Variants in CC2D1A observed in about 807,000 individuals in gnomAD.
CC2D1A encodes coiled-coil and C2 domain containing 1A.
CC2D1A carries 68 observed loss-of-function variants against 123.8 expected under a neutral mutation model. The observed-to-expected ratio is 0.55, with a 90% confidence interval of 0.45 to 0.67. The LOEUF is 0.67. Among genes scored for constraint, CC2D1A ranks in the 30% least tolerant of loss-of-function variants. The probability of loss-of-function intolerance (pLI) is 0.00; values close to 1 mark genes in which losing one functional copy is unlikely to be tolerated. For missense variants in CC2D1A, 1,185 were observed against 1,290.3 expected (o/e 0.92, Z 1.25); for synonymous variants, 477 against 528.0 (o/e 0.90, Z 1.32).
chr19:13,914,795 C>G (rs1456494292), intron 6 of CC2D1A, among the ~76,000 whole-genome samples: 1 of 152,170 alleles, frequency 6.6e-6, no homozygotes, highest in Non-Finnish European at 1.5e-5. Context: ...GCCACCGTGC[C>G]CCATGCCCAG....
intron 17 of CC2D1A, among the ~76,000 whole-genome samples, chr19:13,925,996 G>GTGTGTATATATATATATACGTATATA (rs1568418708): frequency 7.5e-5 from 8 of 106,068 alleles, no homozygotes; most frequent in East Asian, 7.1e-4. Context: ...ATACATATAT[G>GTGTGTATATATATATATACGTATATA]TGTGTATATA....
chr19:13,910,732 G>T (rs1970970966), intron 2 of CC2D1A, among the ~76,000 whole-genome samples: 1 of 152,106 alleles, frequency 6.6e-6, no homozygotes, highest in Admixed American at 6.6e-5. Flanking sequence ...CCAACATGGT[G>T]AAACCCTGTC....
chr19:13,914,005 C>T (rs1225839837), intron 6 of CC2D1A, among the ~76,000 whole-genome samples: 1 of 151,976 alleles, frequency 6.6e-6, no homozygotes, highest in Admixed American at 6.6e-5. Flanking sequence ...CCTCAGCCTC[C>T]CAAGTAGCTG....
intron 26 of CC2D1A, 128 bp from the exon 27 acceptor site, chr19:13,929,950 C>G (rs1463575269): frequency 1.9e-6 from 1 of 532,374 alleles, no homozygotes; most frequent in African/African-American, 3.7e-5. Context: ...GGGATGGGCA[C>G]CTGGAGGGGG....
rs1971041143 is a variant in CC2D1A, at chr19:13,912,534, C to T, written c.319C>T (p.Leu107=). 6.2e-7 allele frequency: 1 copy of T among 1,614,128 alleles called. No homozygotes were observed. The highest frequency in any genetic ancestry group is 8.5e-7 in the Non-Finnish European group (1 of 1,180,034). ...LEADDDLLAE[L]NEVLGEEQKA... ...TGGCTGTGTGTCCCTGCAGGCGGAG[C>T]TAAATGAGGTCCTTGGAGAGGAGCA... The change falls in exon 4 of 29, where the codon CTA becomes TTA. Residue 107 remains leucine (L), a synonymous_variant. Coordinates refer to ENST00000318003, the MANE Select transcript of CC2D1A (RefSeq NM_017721.5).
At chr19:13,918,279 T>G in intron 7 of CC2D1A, 85 bp downstream of exon 7, 3 of 1,426,992 alleles carry the variant, frequency 2.1e-6, no homozygotes, top group Non-Finnish European at 2.8e-6. Flanking sequence ...CAAATTTGCA[T>G]CCTAGCTTGG....
In CC2D1A at chr19:13,928,632, G is replaced by T. The variant is rs191500073; in HGVS notation, c.2519+444G>T. ...TCCTGGGTGTGCAGCCATCATCCCC[G>T]CTAGGTTTTGGGATCAGTAACACCG... On this transcript the variant is annotated intron_variant, in intron 24 of 28. Coordinates refer to ENST00000318003, the MANE Select transcript of CC2D1A (RefSeq NM_017721.5). Among the ~76,000 whole-genome samples, 543 of 150,738 alleles carry T rather than the reference G, an allele frequency of 3.6e-3. 2 individuals carry two copies. Among genetic ancestry groups the T allele is most frequent in the African/African-American group, 0.013 (514 of 40,956 alleles).
At chr19:13,927,836 C>G in intron 22 of CC2D1A, 57 bp from the exon 23 acceptor site, 1 of 1,584,130 alleles carries the variant, frequency 6.3e-7, no homozygotes, top group Non-Finnish European at 8.6e-7. Flanking sequence ...TGTCCTGGCC[C>G]TGGGCCTCTA....
At position 13,919,969 on chromosome 19, in the gene CC2D1A, G is replaced by C. The variant is rs769247294; in HGVS notation, c.1356+18G>C. On this transcript the variant is annotated intron_variant, in intron 12 of 28. Coordinates refer to ENST00000318003, the MANE Select transcript of CC2D1A (RefSeq NM_017721.5). Reference sequence around the variant, plus strand: ...CTAAGAAGGTTTGAGGGTTGGGGCCGGGCGCAGTGGCTCACACCTGTAGTC... The same window carrying C: ...CTAAGAAGGTTTGAGGGTTGGGGCCCGGCGCAGTGGCTCACACCTGTAGTC... 1.9e-6 allele frequency: 3 copies of C among 1,601,770 alleles called. No homozygotes were observed. The highest frequency in any genetic ancestry group is 4.5e-5 in the East Asian group (2 of 44,252).
rs756554308 is a variant in CC2D1A, at chr19:13,918,800, C to T, written c.1001C>T (p.Thr334Met). ...CCGTCGCAGCCTCCGACCCCCGCTA[C>T]GGCGCCCTCCACAACAGGTAGGTTC... The part of the protein sequence containing the change: ...SPPSQPPTPA[T>M]APSTTEVPPP... Residue 334 changes from threonine (T) to methionine (M), a missense_variant, in exon 9 of 29, where the codon ACG (threonine) becomes ATG (methionine). Transcript: ENST00000318003. 2.5e-6 allele frequency: 4 copies of T among 1,613,512 alleles called. No individual in the cohort carries two copies. Among genetic ancestry groups the T allele is most frequent in the Admixed American group, 1.7e-5 (1 of 59,952 alleles).
chr19:13,927,008 A>C lies in CC2D1A; in HGVS notation c.2156A>C (p.Asn719Thr), dbSNP rs761428935. The C allele has an allele frequency of 6.2e-7, 1 of 1,614,012 alleles. No individual in the cohort carries two copies. Among genetic ancestry groups the C allele is most frequent in the Non-Finnish European group, 8.5e-7 (1 of 1,180,002 alleles). ...AAGGAGCAGTTCAAACTCTGCATCA[A>C]CCGCAGCCACCGTGGCTTCCGAAGG... is the stretch of plus-strand genomic sequence containing the variant. ...EFKEQFKLCINRSHRGFRRAI... is the reference protein window; with the variant it reads ...EFKEQFKLCITRSHRGFRRAI... The change falls in exon 21 of 29, where the codon AAC becomes ACC. Residue 719 changes from asparagine to threonine, a missense_variant. Coordinates refer to ENST00000318003, the MANE Select transcript of CC2D1A (RefSeq NM_017721.5).
chr19:13,920,627 C>A lies in CC2D1A; in HGVS notation c.1427C>A (p.Ala476Asp). The change falls in exon 13 of 29, where the codon GCC becomes GAC. Residue 476 changes from alanine (A) to aspartate (D), a missense_variant. Physicochemically the swap from Ala to Asp is moderately radical, Grantham distance 126 (BLOSUM62 -2). Transcript: ENST00000318003. ...TCAAGAACTCCCCAGTCGGGATCAG[C>A]CCCAACAGCCAAAGCGCCCCCCAAA... Reference protein sequence around the residue: ...PPSRTPQSGSAPTAKAPPKAT... With the variant: ...PPSRTPQSGSDPTAKAPPKAT... The A allele has an allele frequency of 6.2e-7, 1 of 1,611,194 alleles. No individual in the cohort carries two copies.
At chr19:13,910,703 G>C (rs1245812069) in intron 2 of CC2D1A, among the ~76,000 whole-genome samples, 2 of 152,096 alleles carry the variant, frequency 1.3e-5, no homozygotes, top group East Asian at 3.9e-4. Context: ...TTGGGGCCAG[G>C]AGTTCGAGAC....
chr19:13,916,188 C>A (rs957158806), intron 6 of CC2D1A, among the ~76,000 whole-genome samples: 11 of 151,998 alleles, frequency 7.2e-5, no homozygotes, highest in African/African-American at 2.4e-4. Context: ...ACCCAGAAGG[C>A]AGGGGTTGCA....
intron 11 of CC2D1A, 102 bp from the exon 12 acceptor site, chr19:13,919,716 C>T (rs903527020): frequency 5.5e-6 from 7 of 1,277,024 alleles, no homozygotes; most frequent in African/African-American, 1.5e-5. Context: ...AAGTAAAGGC[C>T]CAAGACTCTA....
At chr19:13,910,670 G>A (rs185674304) in intron 2 of CC2D1A, among the ~76,000 whole-genome samples, 107 of 152,254 alleles carry the variant, frequency 7.0e-4, no homozygotes, top group African/African-American at 2.0e-3. Context: ...CAGCACTCTG[G>A]GAGGCCAAGG....
intron 21 of CC2D1A, 26 bp downstream of exon 21, chr19:13,927,103 T>TG (rs770888582): frequency 1.2e-6 from 2 of 1,611,690 alleles, no homozygotes; most frequent in Non-Finnish European, 1.7e-6. Context: ...CCATGGCCGC[T>TG]GGGTGGGCTC....
intron 6 of CC2D1A, 107 bp downstream of exon 6, chr19:13,913,745 C>T: frequency 2.4e-6 from 2 of 821,510 alleles, no homozygotes; most frequent in Non-Finnish European, 3.7e-6. Flanking sequence ...ATATTTTCAA[C>T]ACCCTGAGTC....
rs767169541 is a variant in CC2D1A, at chr19:13,912,554, G to A, written c.339G>A (p.Glu113=). 20 of 1,613,992 alleles carry A rather than the reference G, an allele frequency of 1.2e-5. No homozygotes were observed. The highest frequency in any genetic ancestry group is 1.6e-5 in the Non-Finnish European group (19 of 1,180,024). The change falls in exon 4 of 29, where the codon GAG becomes GAA. Residue 113 remains glutamate (E), a synonymous_variant. Coordinates refer to ENST00000318003, the MANE Select transcript of CC2D1A (RefSeq NM_017721.5). ...LLAELNEVLG[E]EQKASETPPP... ...CGGAGCTAAATGAGGTCCTTGGAGA[G>A]GAGCAGAAGGCTTCAGAGACCCCAC...
Sources: gnomAD v4.1 joint callset for allele counts (sites outside exome capture counted in the v4.1 genomes callset) on GRCh38, gnomAD v4.1.1 for gene constraint, MANE v1.5 for transcripts, NCBI Gene and HGNC (gene_info 2026-07-23, HGNC 2026-07-21) for gene names.